Variants in ARHGAP26 observed in about 807,000 individuals in gnomAD.
The protein encoded by ARHGAP26 is rho GTPase-activating protein 26.
A neutral mutation model predicts 104.8 loss-of-function variants in ARHGAP26; 38 were observed. The observed-to-expected ratio is 0.36, with a 90% CI of 0.28 to 0.48. The LOEUF (loss-of-function observed/expected upper bound fraction) is 0.48, where lower values mean the gene tolerates loss of function less well. Ranked by LOEUF, ARHGAP26 falls within the 20% of genes least tolerant of loss-of-function variation. ARHGAP26 has a pLI of 0.99. For synonymous variants in ARHGAP26, 341 were observed against 340.0 expected (o/e 1.00, Z -0.03); for missense variants, 704 against 947.9 (o/e 0.74, Z 3.38).
intron 20 of ARHGAP26, among the ~76,000 whole-genome samples, chr5:143,194,938 G>A (rs1466415667): frequency 2.0e-5 from 3 of 152,282 alleles, no homozygotes; most frequent in South Asian, 4.1e-4. Flanking sequence ...GAATGGTCAC[G>A]CTGAAGGAGC....
intron 1 of ARHGAP26, 56 bp from the exon 2 acceptor site, chr5:142,873,344 C>A: frequency 7.2e-7 from 1 of 1,397,878 alleles, no homozygotes; most frequent in South Asian, 1.2e-5. Flanking sequence ...GGCAGCAAAT[C>A]AGAAAGCCAG....
intron 17 of ARHGAP26, among the ~76,000 whole-genome samples, chr5:143,101,359 A>G (rs1229541973): frequency 1.3e-5 from 2 of 152,258 alleles, no homozygotes; most frequent in East Asian, 1.9e-4. Flanking sequence ...AGGTCTCTTG[A>G]TGTAGGGTTG....
At chr5:142,834,753 C>T (rs1769212024) in intron 1 of ARHGAP26, among the ~76,000 whole-genome samples, 1 of 152,228 alleles carries the variant, frequency 6.6e-6, no homozygotes, top group African/African-American at 2.4e-5. Flanking sequence ...ACTTCTGCCA[C>T]ATTCTGTTGG....
intron 17 of ARHGAP26, among the ~76,000 whole-genome samples, chr5:143,071,547 G>T (rs1184659156): frequency 1.3e-5 from 2 of 152,200 alleles, no homozygotes; most frequent in Non-Finnish European, 2.9e-5. Context: ...CAGGGGAAAT[G>T]CTTCAGGACA....
At chr5:142,903,740 A>G in intron 8 of ARHGAP26, 71 bp downstream of exon 8, 1 of 1,520,842 alleles carries the variant, frequency 6.6e-7, no homozygotes. Context: ...GGATGTATTC[A>G]GCAGTGCCTA....
intron 6 of ARHGAP26, among the ~76,000 whole-genome samples, chr5:142,896,979 A>G (rs1265268618): frequency 1.3e-5 from 2 of 152,222 alleles, no homozygotes; most frequent in African/African-American, 2.4e-5. Flanking sequence ...TGAAGTACCA[A>G]TATTAACAGG....
intron 1 of ARHGAP26, among the ~76,000 whole-genome samples, chr5:142,824,776 C>T (rs990179605): frequency 3.9e-5 from 6 of 152,068 alleles, no homozygotes; most frequent in African/African-American, 1.4e-4. Context: ...ATAGGATTTC[C>T]TAGGAAGCCT....
intron 20 of ARHGAP26, among the ~76,000 whole-genome samples, chr5:143,183,073 CAAAAAAAAA>C (rs70991799): frequency 1.0e-4 from 9 of 89,938 alleles, no homozygotes; most frequent in Non-Finnish European, 1.9e-4. Context: ...TGAAAAGTGG[CAAAAAAAAA>C]AAAAAAAAAG....
intron 12 of ARHGAP26, among the ~76,000 whole-genome samples, chr5:143,021,177 G>C (rs901208868): frequency 1.3e-5 from 2 of 152,162 alleles, no homozygotes; most frequent in African/African-American, 4.8e-5. Flanking sequence ...TTTTTTAAAT[G>C]ATGTCTTGTA....
chr5:142,899,534 C>G (rs1399884044), intron 6 of ARHGAP26, among the ~76,000 whole-genome samples: 1 of 152,084 alleles, frequency 6.6e-6, no homozygotes, highest in East Asian at 1.9e-4. Flanking sequence ...GACAGCTGAC[C>G]CCTCTTATTT....
intron 1 of ARHGAP26, chr5:142,868,176 G>A (rs1357058749): frequency 6.6e-6 from 1 of 152,612 alleles, no homozygotes; most frequent in African/African-American, 2.4e-5. Flanking sequence ...GGCCTGATTA[G>A]AGAAGTCAGG....
intron 17 of ARHGAP26, among the ~76,000 whole-genome samples, chr5:143,118,546 G>A (rs1236578536): frequency 6.6e-6 from 1 of 152,206 alleles, no homozygotes; most frequent in African/African-American, 2.4e-5. Flanking sequence ...CAAGCTGGGA[G>A]AATCACTTGA....
chr5:143,188,373 A>G (rs190473346), intron 20 of ARHGAP26, among the ~76,000 whole-genome samples: 1 of 152,242 alleles, frequency 6.6e-6, no homozygotes, highest in African/African-American at 2.4e-5. Context: ...CAACCCTGCC[A>G]TAGTCATTCA....
chr5:142,958,035 A>C (rs1769545626), intron 11 of ARHGAP26, among the ~76,000 whole-genome samples: 2 of 152,200 alleles, frequency 1.3e-5, no homozygotes, highest in African/African-American at 4.8e-5. Flanking sequence ...ATTTGAAATA[A>C]CATTTGAAAA....
At chr5:143,070,676 G>A (rs192223073) in intron 17 of ARHGAP26, among the ~76,000 whole-genome samples, 30 of 152,318 alleles carry the variant, frequency 2.0e-4, no homozygotes, top group Admixed American at 1.3e-3. Flanking sequence ...TTGGGAGGCC[G>A]AGATGGATGG....
At chr5:142,940,195 C>T (rs1766031739) in intron 11 of ARHGAP26, among the ~76,000 whole-genome samples, 1 of 152,150 alleles carries the variant, frequency 6.6e-6, no homozygotes, top group South Asian at 2.1e-4. Context: ...CTTGCGTTTT[C>T]CTTTCTTTGT....
intron 1 of ARHGAP26, among the ~76,000 whole-genome samples, chr5:142,822,958 G>C (rs562539598): frequency 4.6e-5 from 7 of 152,180 alleles, no homozygotes; most frequent in Non-Finnish European, 2.9e-5. Flanking sequence ...GTTTACCAGT[G>C]AGCCCTTATT....
intron 7 of ARHGAP26, among the ~76,000 whole-genome samples, chr5:142,903,247 AAC>A (rs1248553640): frequency 1.3e-5 from 2 of 152,120 alleles, no homozygotes; most frequent in East Asian, 3.9e-4. Context: ...CTTATCGTAA[AAC>A]ACACTTTTTG....
chr5:143,048,964 C>G (rs1054759373), intron 14 of ARHGAP26, among the ~76,000 whole-genome samples: 6 of 151,230 alleles, frequency 4.0e-5, no homozygotes, highest in African/African-American at 1.5e-4. Context: ...TGACAAAAAC[C>G]TTAATTTTCC....
Sources: allele counts gnomAD v4.1 joint callset (sites outside exome capture counted in the v4.1 genomes callset), GRCh38; gene constraint gnomAD v4.1.1; transcripts MANE v1.5; gene names NCBI Gene and HGNC (gene_info 2026-07-23, HGNC 2026-07-21).